Variants in SHANK2 observed in about 807,000 individuals in gnomAD.
The protein encoded by SHANK2 is SH3 and multiple ankyrin repeat domains 2.
SHANK2 carries 43 observed loss-of-function variants against 133.7 expected under a neutral mutation model. The ratio of observed to expected loss-of-function variants is 0.32; its 90% confidence interval spans 0.25 to 0.41. The LOEUF is 0.41. Among genes scored for constraint, SHANK2 ranks in the 10% least tolerant of loss-of-function variants. The probability of loss-of-function intolerance (pLI) is 1.00; values close to 1 mark genes in which losing one functional copy is unlikely to be tolerated. For missense variants in SHANK2, 1,994 were observed against 2,235.8 expected, an observed-to-expected ratio of 0.89 and a Z score of 2.18; for synonymous variants, 1,017 against 952.8, an observed-to-expected ratio of 1.07 and a Z score of -1.24.
intron 17 of SHANK2, among the ~76,000 whole-genome samples, chr11:70,632,278 C>T (rs557646046): frequency 2.6e-5 from 4 of 152,192 alleles, no homozygotes; most frequent in African/African-American, 7.2e-5. Flanking sequence ...CCCACCATCA[C>T]GCCCGGCTAA....
chr11:70,590,667 A>G (rs12418557), intron 17 of SHANK2, among the ~76,000 whole-genome samples: 2,720 of 152,342 alleles, frequency 0.018, 32 homozygotes, highest in Non-Finnish European at 0.027. Context: ...TTTCTCAGCA[A>G]TAAGGTATTT....
intron 17 of SHANK2, among the ~76,000 whole-genome samples, chr11:70,533,409 C>A (rs782001950): frequency 6.6e-6 from 1 of 152,020 alleles, no homozygotes; most frequent in African/African-American, 2.4e-5. Flanking sequence ...AAAAGACAAT[C>A]GATTCAAGGT....
At chr11:70,613,763 G>GTTTTTTTTTTTTTTTT (rs57180024) in intron 17 of SHANK2, among the ~76,000 whole-genome samples, 2 of 123,774 alleles carry the variant, frequency 1.6e-5, no homozygotes, top group Non-Finnish European at 3.2e-5. Context: ...AGGGGAACTT[G>GTTTTTTTTTTTTTTTT]TTTTTTTTTT....
At chr11:70,845,695 GA>G (rs1948986963) in intron 11 of SHANK2, among the ~76,000 whole-genome samples, 1 of 152,152 alleles carries the variant, frequency 6.6e-6, no homozygotes, top group African/African-American at 2.4e-5. Context: ...CCAAGCCAGG[GA>G]AAATCAGAAT....
chr11:70,483,201 A>T (rs1353957969), intron 25 of SHANK2, among the ~76,000 whole-genome samples: 2 of 152,172 alleles, frequency 1.3e-5, no homozygotes, highest in Non-Finnish European at 2.9e-5. Flanking sequence ...CTGGCTGTGT[A>T]TGTGGACAAG....
In SHANK2 at chr11:70,844,352, G is replaced by A. The variant is rs373066525; in HGVS notation, c.1175-23670C>T. Among the ~76,000 whole-genome samples the A allele has an allele frequency of 8.3e-4, 126 of 151,962 alleles. 1 individual carries two copies. The highest frequency in any genetic ancestry group is 3.0e-3 in the African/African-American group (125 of 41,492). On this transcript the variant is annotated intron_variant, in intron 11 of 25. Coordinates refer to ENST00000601538, the MANE Select transcript of SHANK2 (RefSeq NM_012309.5). ...CATGCGTTTTTCCATTTGGGTTGGG[G>A]GGCCGGGGGCGGGGCATGAAAATCT... is the stretch of plus-strand genomic sequence containing the variant.
At chr11:70,601,289 G>A (rs753277122) in intron 17 of SHANK2, among the ~76,000 whole-genome samples, 8 of 150,048 alleles carry the variant, frequency 5.3e-5, no homozygotes, top group African/African-American at 1.7e-4. Flanking sequence ...GCACGATCTC[G>A]GCTCACTGCA....
At chr11:70,763,145 A>G (rs1947030209) in intron 14 of SHANK2, among the ~76,000 whole-genome samples, 1 of 152,182 alleles carries the variant, frequency 6.6e-6, no homozygotes, top group African/African-American at 2.4e-5. Flanking sequence ...TCTGAGCCTT[A>G]GTTTCCTCAT....
chr11:70,694,745 T>C (rs559382664), intron 15 of SHANK2, among the ~76,000 whole-genome samples: 1 of 152,316 alleles, frequency 6.6e-6, no homozygotes, highest in African/African-American at 2.4e-5. Context: ...TCCAGAGTTA[T>C]GCCATTCCAG....
chr11:70,939,011 T>C (rs1950608136), intron 10 of SHANK2, among the ~76,000 whole-genome samples: 1 of 151,934 alleles, frequency 6.6e-6, no homozygotes, highest in South Asian at 2.1e-4. Flanking sequence ...GCGCCGGAAC[T>C]ATGGGTGGCA....
intron 11 of SHANK2, chr11:70,863,262 T>A (rs782694440): frequency 4.4e-6 from 2 of 451,928 alleles, no homozygotes; most frequent in Non-Finnish European, 9.0e-6. Flanking sequence ...CCTCTCCCCA[T>A]GACATGGCTG....
intron 17 of SHANK2, among the ~76,000 whole-genome samples, chr11:70,583,074 G>A (rs2060204298): frequency 6.6e-6 from 1 of 152,138 alleles, no homozygotes. Context: ...GGGAAGATTG[G>A]GGGAGAATCT....
intron 10 of SHANK2, among the ~76,000 whole-genome samples, chr11:70,899,517 C>T (rs1015415781): frequency 3.3e-5 from 5 of 152,150 alleles, no homozygotes; most frequent in African/African-American, 1.2e-4. Flanking sequence ...TGGCGGCTTC[C>T]CTTGGGCATG....
At chr11:70,566,210 G>A (rs1003405579) in intron 17 of SHANK2, among the ~76,000 whole-genome samples, 1 of 152,164 alleles carries the variant, frequency 6.6e-6, no homozygotes, top group Non-Finnish European at 1.5e-5. Context: ...CACAACACAT[G>A]GGAATCATGG....
chr11:70,526,909 C>T (rs947790193), intron 17 of SHANK2, among the ~76,000 whole-genome samples: 3 of 152,090 alleles, frequency 2.0e-5, no homozygotes, highest in Non-Finnish European at 4.4e-5. Flanking sequence ...TGTACCGGCC[C>T]CATCTGGCCA....
At position 70,485,187 on chromosome 11, in the gene SHANK2, C is replaced by T. The variant is rs1288232101; in HGVS notation, c.4979+127G>A. 10 of 762,480 alleles carry T rather than the reference C, an allele frequency of 1.3e-5. No homozygotes were observed. Among genetic ancestry groups the T allele is most frequent in the South Asian group, 4.5e-5 (3 of 66,438 alleles). 47.2% of individuals were successfully genotyped at this position (762,480 alleles called of 1,614,324 possible). ...AAAGAAGTGTTACTGCATTAACAGA[C>T]GTGGCCCACACAGGCTTTACGAATT... On this transcript the variant is annotated intron_variant, in intron 25 of 25. Coordinates refer to ENST00000601538, the MANE Select transcript of SHANK2 (RefSeq NM_012309.5). The surrounding 1 kb of genome is among the most constrained non-coding windows in gnomAD (Gnocchi z 5.8).
intron 17 of SHANK2, among the ~76,000 whole-genome samples, chr11:70,572,067 C>T (rs1382938244): frequency 1.3e-5 from 2 of 152,208 alleles, no homozygotes; most frequent in East Asian, 1.9e-4. Flanking sequence ...CGTGAGAAGG[C>T]GGCCATCTCC....
At chr11:71,123,229 A>G (rs782761015) in intron 3 of SHANK2, among the ~76,000 whole-genome samples, 4 of 152,350 alleles carry the variant, frequency 2.6e-5, no homozygotes, top group Admixed American at 6.5e-5. Context: ...GACACAGTAC[A>G]GGTGACTGAC....
chr11:71,204,455 C>T (rs782572284), intron 2 of SHANK2, among the ~76,000 whole-genome samples: 8 of 152,160 alleles, frequency 5.3e-5, no homozygotes, highest in Non-Finnish European at 1.2e-4. Context: ...ACCCCATGGA[C>T]ACGTTCTCGG....
Sources: gnomAD v4.1 joint callset for allele counts (sites outside exome capture counted in the v4.1 genomes callset) on GRCh38, gnomAD v4.1.1 for gene constraint, Gnocchi (gnomAD v3.1) non-coding constraint, MANE v1.5 for transcripts, NCBI Gene and HGNC (gene_info 2026-07-23, HGNC 2026-07-21) for gene names.